Variants in CCNH observed in about 807,000 individuals in gnomAD.
The protein encoded by CCNH is cyclin H.
Under a neutral mutation model 41.9 loss-of-function variants are expected in CCNH, and 31 were observed. The observed-to-expected ratio is 0.74, with a 90% CI of 0.56 to 1.00. The LOEUF (loss-of-function observed/expected upper bound fraction) is 1.00, where lower values mean the gene tolerates loss of function less well. Ranked by LOEUF, CCNH falls within the 50% of genes least tolerant of loss-of-function variation. CCNH has a pLI of 0.00. For missense variants in CCNH, 362 were observed against 388.4 expected (o/e 0.93, Z 0.57); for synonymous variants, 138 against 136.1 (o/e 1.01, Z -0.10).
downstream of CCNH, chr5:87,391,279 CTTA>C (rs555952882): frequency 1.8e-4 from 68 of 378,556 alleles, no homozygotes; most frequent in South Asian, 2.3e-3. Context: ...GAAACACATT[CTTA>C]TTGACAATTG....
At chr5:87,336,446 CTT>C (rs890529569) in intron 9 of CCNH, among the ~76,000 whole-genome samples, 5 of 151,590 alleles carry the variant, frequency 3.3e-5, no homozygotes, top group Non-Finnish European at 7.4e-5. Context: ...ATTTATGAGT[CTT>C]TTAAAAAGTT....
chr5:87,323,893 A>G lies in CCNH; in HGVS notation c.*91-4996T>C, dbSNP rs1580262036. 1.3e-5 allele frequency among the ~76,000 whole-genome samples: 2 copies of G among 151,952 alleles called. 1 individual carries two copies. Among genetic ancestry groups the G allele is most frequent in the South Asian group, 4.1e-4 (2 of 4,828 alleles). Reference sequence around the variant, plus strand: ...AAGACTGAGACAGGTATTTTTTTGTATCCCTGTGTATCCTCCTACTTACTA... The same window carrying G: ...AAGACTGAGACAGGTATTTTTTTGTGTCCCTGTGTATCCTCCTACTTACTA... On this transcript the variant is annotated intron_variant and NMD_transcript_variant, in intron 9 of 9. Transcript: ENST00000645953.
chr5:87,393,610 C>T (rs938745653), downstream of CCNH: 1 of 152,100 alleles, frequency 6.6e-6, no homozygotes, highest in African/African-American at 2.4e-5. Flanking sequence ...CATATTTAAT[C>T]TGCAAAATTC....
chr5:87,401,818 T>C (rs368981889), intron 5 of CCNH, 46 bp from the exon 6 acceptor site: 8 of 1,149,780 alleles, frequency 7.0e-6, no homozygotes, highest in South Asian at 1.5e-5. Flanking sequence ...ATACAGCACA[T>C]TGAGAAAACA....
chr5:87,389,323 C>G, downstream of CCNH: 1 of 1,585,396 alleles, frequency 6.3e-7, no homozygotes, highest in East Asian at 2.3e-5. Context: ...AAGAGCGAAA[C>G]TCTGTCTCAA....
At chr5:87,318,560 A>G (rs1003108424) in exon 10 of CCNH, 2 of 152,250 alleles carry the variant, frequency 1.3e-5, no homozygotes, top group Non-Finnish European at 2.9e-5. Flanking sequence ...GAGAAACAGC[A>G]TGTGAAGGGG....
intron 9 of CCNH, chr5:87,332,376 A>G (rs1434401984): frequency 9.0e-6 from 8 of 893,480 alleles, no homozygotes; most frequent in Non-Finnish European, 1.2e-5. Context: ...AATAAGTGGT[A>G]TTTTAGTATA....
At chr5:87,331,013 T>A in intron 9 of CCNH, 1 of 1,374,578 alleles carries the variant, frequency 7.3e-7, no homozygotes, top group Non-Finnish European at 9.6e-7. Context: ...CATTTGTCTA[T>A]CTTTTATTTT....
At chr5:87,328,506 TTGAG>T (rs1234487746) in intron 9 of CCNH, among the ~76,000 whole-genome samples, 3 of 152,166 alleles carry the variant, frequency 2.0e-5, no homozygotes, top group Non-Finnish European at 2.9e-5. Context: ...TTTTTAAAAA[TTGAG>T]TATTTTAGAC....
intron 9 of CCNH, among the ~76,000 whole-genome samples, chr5:87,348,640 ATT>A (rs1004683068): frequency 6.9e-6 from 1 of 145,450 alleles, no homozygotes; most frequent in African/African-American, 2.5e-5. Context: ...TTACTTTTTA[ATT>A]TTTTTTTTTT....
At chr5:87,331,335 G>GTT in intron 9 of CCNH, 1 of 1,589,476 alleles carries the variant, frequency 6.3e-7, no homozygotes, top group Non-Finnish European at 8.6e-7. Flanking sequence ...TATCTTCTCT[G>GTT]TTTTTCCCCT....
chr5:87,320,622 G>C (rs1040995587), intron 9 of CCNH, among the ~76,000 whole-genome samples: 1 of 152,160 alleles, frequency 6.6e-6, no homozygotes, highest in African/African-American at 2.4e-5. Context: ...CACGAGAACA[G>C]CAAGGGGAAA....
intron 9 of CCNH, among the ~76,000 whole-genome samples, chr5:87,367,769 T>C (rs895309312): frequency 6.6e-6 from 1 of 152,214 alleles, no homozygotes; most frequent in Non-Finnish European, 1.5e-5. Context: ...GATATTAAAT[T>C]CAAGATTGGC....
intron 3 of CCNH, 163 bp downstream of exon 3, chr5:87,409,127 G>A (rs2112579883): frequency 2.3e-6 from 1 of 427,694 alleles, no homozygotes; most frequent in South Asian, 5.4e-5. Context: ...GAGATCTCAA[G>A]TTCTGAATAA....
chr5:87,372,892 T>C (rs960071768), downstream of CCNH, among the ~76,000 whole-genome samples: 5 of 152,182 alleles, frequency 3.3e-5, no homozygotes, highest in Non-Finnish European at 5.9e-5. Flanking sequence ...ATTAACATAC[T>C]GTTCTACTGG....
At chr5:87,342,847 G>T (rs1363226016) in intron 9 of CCNH, among the ~76,000 whole-genome samples, 4 of 152,006 alleles carry the variant, frequency 2.6e-5, no homozygotes, top group African/African-American at 9.7e-5. Flanking sequence ...TTTTATTTTA[G>T]ATAATAGCAA....
intron 4 of CCNH, among the ~76,000 whole-genome samples, chr5:87,405,211 A>G (rs1476070564): frequency 2.0e-5 from 3 of 152,194 alleles, no homozygotes; most frequent in African/African-American, 7.2e-5. Context: ...AGGGAAGGGA[A>G]GCTCTTAGAG....
intron 9 of CCNH, among the ~76,000 whole-genome samples, chr5:87,359,823 T>C (rs1399753227): frequency 6.6e-6 from 1 of 152,200 alleles, no homozygotes; most frequent in African/African-American, 2.4e-5. Flanking sequence ...GTAGTAAGAA[T>C]TTAAATGTAG....
chr5:87,397,006 T>C (rs1412821080), intron 7 of CCNH, among the ~76,000 whole-genome samples: 1 of 152,110 alleles, frequency 6.6e-6, no homozygotes, highest in African/African-American at 2.4e-5. Context: ...ACAGTTTTTG[T>C]GTCATGAAAA....
Sources: gnomAD v4.1 joint callset for allele counts (sites outside exome capture counted in the v4.1 genomes callset) on GRCh38, gnomAD v4.1.1 for gene constraint, MANE v1.5 for transcripts, NCBI Gene and HGNC (gene_info 2026-07-23, HGNC 2026-07-21) for gene names.